Variants in DMC1 observed in about 807,000 individuals in gnomAD.
DMC1 encodes DNA meiotic recombinase 1, also known as meiotic recombination protein DMC1 homolog.
In DMC1, 27 loss-of-function variants were observed where a neutral mutation model predicts 50.1. That is an observed-to-expected ratio of 0.54 (90% CI 0.40 to 0.74). The LOEUF (loss-of-function observed/expected upper bound fraction) is 0.74, where lower values mean the gene tolerates loss of function less well. DMC1 is among the 30% of genes least tolerant of loss of function. The pLI is 0.00. For synonymous variants in DMC1, 148 were observed against 136.1 expected (o/e 1.09, Z -0.61); for missense variants, 295 against 420.2 (o/e 0.70, Z 2.60).
rs1484218523 is a variant in DMC1 at position 38,570,060 on chromosome 22, T to C, written c.-51A>G. The C allele has an allele frequency of 1.3e-5, 2 of 151,992 alleles. No homozygotes were observed. Among genetic ancestry groups the C allele is most frequent in the Non-Finnish European group, 1.5e-5 (1 of 68,044 alleles). The allele number at this position is 151,992 out of a possible 1,614,324, so 9.4% of individuals were successfully genotyped here. ...CCACTTACCCCCCTCGTACCCACAGTCTCCCCGAGATTTTCAAGGTGAAGC... is the reference window on the plus strand; with the variant it reads ...CCACTTACCCCCCTCGTACCCACAGCCTCCCCGAGATTTTCAAGGTGAAGC... On this transcript the variant is annotated 5_prime_UTR_variant, in exon 1 of 14. Coordinates refer to ENST00000216024, the MANE Select transcript of DMC1 (RefSeq NM_007068.4).
At chr22:38,569,311 A>C (rs959899116) in intron 1 of DMC1, 10 of 152,184 alleles carry the variant, frequency 6.6e-5, no homozygotes, top group African/African-American at 2.4e-4. Flanking sequence ...TTTATTTATT[A>C]CAATAAAATG....
chr22:38,512,218 A>G, the DMC1 span, among the ~76,000 whole-genome samples: 1 of 152,076 alleles, frequency 6.6e-6, no homozygotes, highest in African/African-American at 2.4e-5. Context: ...AAAGTGATCC[A>G]CCTGCCTCAA....
intron 4 of DMC1, among the ~76,000 whole-genome samples, chr22:38,565,438 C>T (rs919963299): frequency 1.3e-5 from 2 of 151,772 alleles, no homozygotes; most frequent in African/African-American, 4.8e-5. Context: ...TGCAATGACC[C>T]AATGACCCAG....
chr22:38,551,947 G>A (rs1243480261), intron 7 of DMC1, among the ~76,000 whole-genome samples: 1 of 137,032 alleles, frequency 7.3e-6, no homozygotes, highest in East Asian at 2.4e-4. Context: ...TGCAAGCTCC[G>A]CCTCCCGGGT....
At chr22:38,557,490 G>A (rs573450589) in intron 5 of DMC1, among the ~76,000 whole-genome samples, 11 of 152,008 alleles carry the variant, frequency 7.2e-5, no homozygotes, top group African/African-American at 9.7e-5. Flanking sequence ...TGGATCGCTC[G>A]AGCCTGGGAG....
At chr22:38,526,569 T>TC (rs144749797) in intron 12 of DMC1, among the ~76,000 whole-genome samples, 4,128 of 151,504 alleles carry the variant, frequency 0.027, 188 homozygotes, top group African/African-American at 0.096. Flanking sequence ...AATAAAAACA[T>TC]CCCCTCCCCA....
intron 8 of DMC1, among the ~76,000 whole-genome samples, chr22:38,542,079 C>CT: frequency 6.8e-6 from 1 of 146,948 alleles, no homozygotes; most frequent in East Asian, 2.0e-4. Context: ...AAAAACCATA[C>CT]ACAACAGACC....
chr22:38,533,366 A>C (rs2090175060), intron 12 of DMC1, among the ~76,000 whole-genome samples: 1 of 147,096 alleles, frequency 6.8e-6, no homozygotes, highest in South Asian at 2.2e-4. Context: ...ATTGCACTTC[A>C]GCCTGAGTGA....
chr22:38,553,956 CAAAAAAAAAA>C (rs35690372), intron 6 of DMC1, among the ~76,000 whole-genome samples: 84 of 34,748 alleles, frequency 2.4e-3, no homozygotes, highest in African/African-American at 8.7e-3. Context: ...ACTCCATCTC[CAAAAAAAAAA>C]AAAAAAAAAA....
intron 12 of DMC1, among the ~76,000 whole-genome samples, chr22:38,534,056 A>G (rs2090184300): frequency 6.6e-6 from 1 of 152,248 alleles, no homozygotes. Context: ...GTGTCATAAA[A>G]GTCTAACAAA....
chr22:38,520,940 G>A (rs541399068), intron 13 of DMC1, among the ~76,000 whole-genome samples: 37 of 148,730 alleles, frequency 2.5e-4, no homozygotes, highest in African/African-American at 8.7e-4. Context: ...GCAGTGGCGC[G>A]ATCTCGGCTA....
At chr22:38,539,938 T>TTTA (rs2090262328) in intron 8 of DMC1, among the ~76,000 whole-genome samples, 2 of 152,280 alleles carry the variant, frequency 1.3e-5, no homozygotes, top group African/African-American at 4.8e-5. Flanking sequence ...TATGAAATAG[T>TTTA]TTATTATATT....
intron 12 of DMC1, among the ~76,000 whole-genome samples, chr22:38,522,472 G>T (rs769826450): frequency 1.4e-4 from 22 of 152,060 alleles, no homozygotes; most frequent in Admixed American, 2.6e-4. Flanking sequence ...TGAGGCAAGA[G>T]AATTGTTTGA....
rs1016624599 is a variant in DMC1, at chr22:38,531,445, G to T, written c.836+6147C>A. 3.3e-5 allele frequency among the ~76,000 whole-genome samples: 5 copies of T among 152,130 alleles called. No individual in the cohort carries two copies. In the East Asian group the frequency reaches 9.6e-4, roughly 29 times the overall value. On this transcript the variant is annotated intron_variant, in intron 12 of 13. Transcript: ENST00000216024. ...CCCAATTATTGTCAGTGTACTTGCG[G>T]ACTCATACCAATTATAGTGATAGTT...
the DMC1 span, among the ~76,000 whole-genome samples, chr22:38,509,789 C>A: frequency 6.6e-6 from 1 of 151,998 alleles, no homozygotes; most frequent in Non-Finnish European, 1.5e-5. Context: ...CCTGCCTCAG[C>A]CTTCTGAGTG....
At chr22:38,515,003 G>A (rs2145739937), downstream of DMC1, among the ~76,000 whole-genome samples, 1 of 149,010 alleles carries the variant, frequency 6.7e-6, no homozygotes, top group Non-Finnish European at 1.5e-5. Flanking sequence ...GAGTAGCTGG[G>A]ACTACAGGTG....
At chr22:38,538,780 A>T (rs909082113) in intron 9 of DMC1, among the ~76,000 whole-genome samples, 168 bp from the exon 10 acceptor site, 5 of 152,220 alleles carry the variant, frequency 3.3e-5, no homozygotes, top group African/African-American at 1.2e-4. Context: ...CATGCCTATA[A>T]TCCCAACACT....
chr22:38,511,047 T>C, the DMC1 span, among the ~76,000 whole-genome samples: 2 of 151,284 alleles, frequency 1.3e-5, no homozygotes, highest in East Asian at 1.9e-4. Flanking sequence ...GGCGGGAGGG[T>C]CGCTTGAGCC....
At chr22:38,563,751 G>A (rs1031598358) in intron 4 of DMC1, among the ~76,000 whole-genome samples, 12 of 151,464 alleles carry the variant, frequency 7.9e-5, no homozygotes, top group Non-Finnish European at 1.5e-4. Context: ...CCAGGCTGGA[G>A]TGCAGTGGCG....
Sources: allele counts gnomAD v4.1 joint callset (sites outside exome capture counted in the v4.1 genomes callset), GRCh38; gene constraint gnomAD v4.1.1; transcripts MANE v1.5; gene names NCBI Gene and HGNC (gene_info 2026-07-23, HGNC 2026-07-21).